The following CSTL1 variants were observed in gnomAD, a reference collection of about 807,000 sequenced individuals.
CSTL1 encodes the protein cystatin like 1.
CSTL1 carries 14 observed loss-of-function variants against 14.4 expected under a neutral mutation model. The observed-to-expected ratio is 0.97, with a 90% CI of 0.64 to 1.52. The LOEUF (loss-of-function observed/expected upper bound fraction) is 1.52. Among genes scored for constraint, CSTL1 ranks in the 40% most tolerant of loss-of-function variants. CSTL1 has a pLI of 0.00. For missense variants in CSTL1, 170 were observed against 168.7 expected (o/e 1.01, Z -0.04); for synonymous variants, 72 against 67.5 (o/e 1.07, Z -0.33).
chr20:23,452,026 G>T, the CSTL1 span: 1 of 729,476 alleles, frequency 1.4e-6, no homozygotes, highest in East Asian at 2.6e-5. Flanking sequence ...CAAGGAGCTG[G>T]TCCTAGGCGG....
chr20:23,449,935 T>C, the CSTL1 span, among the ~76,000 whole-genome samples: 1 of 152,226 alleles, frequency 6.6e-6, no homozygotes, highest in African/African-American at 2.4e-5. Flanking sequence ...TTCTGGAGTT[T>C]GCAATTAGAA....
chr20:23,460,562 G>A, the CSTL1 span, among the ~76,000 whole-genome samples: 1 of 152,098 alleles, frequency 6.6e-6, no homozygotes, highest in East Asian at 1.9e-4. Context: ...AATCATTTTT[G>A]GAGATTTATT....
chr20:23,440,206 C>A lies in CSTL1; in HGVS notation c.-62C>A. ...TTATGATGGGAGAATGAGTGAACTG[C>A]AGCCTGGCACCACCACACCCTGGAA... On this transcript the variant is annotated 5_prime_UTR_variant, in exon 2 of 4. Coordinates refer to ENST00000347397, the MANE Select transcript of CSTL1 (RefSeq NM_138283.1). 2 of 1,559,300 alleles carry A rather than the reference C, an allele frequency of 1.3e-6. No homozygotes were observed. The highest frequency in any genetic ancestry group is 1.7e-5 in the Admixed American group (1 of 59,652).
the CSTL1 span, among the ~76,000 whole-genome samples, chr20:23,453,450 G>A: frequency 0.015 from 2,222 of 152,244 alleles, 66 homozygotes; most frequent in African/African-American, 0.049. Context: ...AGGCAGTGGC[G>A]AGGAAGCTTC....
the CSTL1 span, chr20:23,450,711 A>G: frequency 3.5e-6 from 2 of 572,848 alleles, no homozygotes; most frequent in Non-Finnish European, 6.1e-6. Flanking sequence ...CTACAATCCT[A>G]TTTGACCACA....
At chr20:23,452,443 A>C in the CSTL1 span, 14 of 660,936 alleles carry the variant, frequency 2.1e-5, no homozygotes, top group South Asian at 2.5e-4. Context: ...TCATCACCCT[A>C]GTGAATTTAT....
At chr20:23,452,061 T>C in the CSTL1 span, 1 of 592,060 alleles carries the variant, frequency 1.7e-6, no homozygotes, top group Non-Finnish European at 3.0e-6. Flanking sequence ...CTCTCCTCTA[T>C]TTGACTCATG....
At chr20:23,452,161 G>A in the CSTL1 span, among the ~76,000 whole-genome samples, 1 of 152,222 alleles carries the variant, frequency 6.6e-6, no homozygotes, top group Admixed American at 6.5e-5. Flanking sequence ...GGTAATGCAA[G>A]TGACGCTAGT....
chr20:23,458,808 G>T, the CSTL1 span: 1 of 152,256 alleles, frequency 6.6e-6, no homozygotes, highest in Admixed American at 6.5e-5. Context: ...AGTTGGAATT[G>T]CTGGGCCTCA....
chr20:23,441,135 C>T (rs1189316667), intron 2 of CSTL1, among the ~76,000 whole-genome samples: 1 of 152,174 alleles, frequency 6.6e-6, no homozygotes, highest in Non-Finnish European at 1.5e-5. Flanking sequence ...GATAATTTTG[C>T]TCCCTTTAAA....
At chr20:23,444,332 T>C (rs1183326840) in intron 3 of CSTL1, among the ~76,000 whole-genome samples, 1 of 152,260 alleles carries the variant, frequency 6.6e-6, no homozygotes, top group African/African-American at 2.4e-5. Flanking sequence ...GTCCTTCTTC[T>C]GTCTTCTTTC....
At chr20:23,441,734 G>A (rs901766244) in intron 2 of CSTL1, among the ~76,000 whole-genome samples, 3 of 151,986 alleles carry the variant, frequency 2.0e-5, no homozygotes, top group African/African-American at 7.3e-5. Flanking sequence ...TTTGATGCAC[G>A]GTTGTTTGCA....
At chr20:23,453,899 A>G in the CSTL1 span, among the ~76,000 whole-genome samples, 1 of 152,044 alleles carries the variant, frequency 6.6e-6, no homozygotes. Flanking sequence ...CACACAACAC[A>G]TACACATACC....
Position 23,440,197 on chromosome 20 carries a change from AG to A in CSTL1, c.-70del, listed in dbSNP as rs1986792071. ...TGGTGAGGGTTATGATGGGAGAATG[AG>A]TGAACTGCAGCCTGGCACCACCACA... On this transcript the variant is annotated 5_prime_UTR_variant, in exon 2 of 4. In the 5' UTR this introduces an upstream ATG that the reference lacks. Coordinates refer to ENST00000347397, the MANE Select transcript of CSTL1 (RefSeq NM_138283.1). The A allele has an allele frequency of 6.7e-7, 1 of 1,502,740 alleles. No individual in the cohort carries two copies. Among genetic ancestry groups the A allele is most frequent in the Non-Finnish European group, 9.2e-7 (1 of 1,084,214 alleles). 93.1% of individuals were successfully genotyped at this position (1,502,740 alleles called of 1,614,324 possible).
chr20:23,449,939 A>G, the CSTL1 span, among the ~76,000 whole-genome samples: 3 of 152,176 alleles, frequency 2.0e-5, no homozygotes, highest in South Asian at 6.2e-4. Flanking sequence ...GGAGTTTGCA[A>G]TTAGAAAGTG....
the CSTL1 span, among the ~76,000 whole-genome samples, chr20:23,453,979 C>G: frequency 2.0e-5 from 3 of 151,930 alleles, no homozygotes; most frequent in South Asian, 6.2e-4. Context: ...TATCCACACT[C>G]ACACTGAAAT....
chr20:23,447,193 C>T (rs1251083606), downstream of CSTL1, among the ~76,000 whole-genome samples: 3 of 152,200 alleles, frequency 2.0e-5, no homozygotes, highest in Admixed American at 6.5e-5. Context: ...CTTAACACAG[C>T]TTGTTGGTTG....
chr20:23,451,698 A>C, the CSTL1 span: 2 of 706,488 alleles, frequency 2.8e-6, no homozygotes, highest in Non-Finnish European at 4.8e-6. Context: ...TTACCCATGC[A>C]TTCTTTTCAA....
chr20:23,456,595 C>T, the CSTL1 span, among the ~76,000 whole-genome samples: 2 of 152,206 alleles, frequency 1.3e-5, no homozygotes, highest in Non-Finnish European at 2.9e-5. Flanking sequence ...AGCCCCTCCC[C>T]TGCAGCTCCC....
Sources: gnomAD v4.1 joint callset for allele counts (sites outside exome capture counted in the v4.1 genomes callset) on GRCh38, gnomAD v4.1.1 for gene constraint, MANE v1.5 for transcripts, NCBI Gene and HGNC (gene_info 2026-07-23, HGNC 2026-07-21) for gene names.